The following SERPINA1 variants were observed in gnomAD, a reference collection of about 807,000 sequenced individuals.
SERPINA1 encodes serpin family A member 1.
Under a neutral mutation model 25.4 loss-of-function variants are expected in SERPINA1, and 21 were observed. The ratio of observed to expected loss-of-function variants is 0.83; its 90% confidence interval spans 0.59 to 1.19. The LOEUF is 1.19. SERPINA1 is among the 50% of genes most tolerant of loss of function. The pLI, the probability that SERPINA1 is intolerant of heterozygous loss-of-function variation, is 0.00. For synonymous variants in SERPINA1, 218 were observed against 211.1 expected (o/e 1.03, Z -0.29); for missense variants, 546 against 509.0 (o/e 1.07, Z -0.70).
Position 94,381,149 on chromosome 14 carries a change from G to T in SERPINA1, c.647-8C>A. ...AGGGTCTCTCCCATTTGCCTGGAGA[G>T]AGGGGAAGGTGGGCATCACCAGGGG... is the stretch of plus-strand genomic sequence containing the variant. On this transcript the variant is annotated splice_region_variant and splice_polypyrimidine_tract_variant and intron_variant, in intron 2 of 4. Coordinates refer to ENST00000393087, the MANE Select transcript of SERPINA1 (RefSeq NM_000295.5). The T allele has an allele frequency of 6.2e-7, 1 of 1,610,612 alleles. No homozygotes were observed. Among genetic ancestry groups the T allele is most frequent in the South Asian group, 1.1e-5 (1 of 90,952 alleles).
intron 4 of SERPINA1, among the ~76,000 whole-genome samples, chr14:94,378,854 C>T (rs1444407239): frequency 2.6e-5 from 4 of 152,378 alleles, no homozygotes; most frequent in Middle Eastern, 6.8e-3. Flanking sequence ...GCGCCTCTCC[C>T]CCTGCTCAGG....
chr14:94,377,632 G>A lies in SERPINA1; in HGVS notation c.*817C>T, dbSNP rs1273675640. 2 of 152,362 alleles carry A rather than the reference G, an allele frequency of 1.3e-5. No homozygotes were observed. Among genetic ancestry groups the A allele is most frequent in the Non-Finnish European group, 2.9e-5 (2 of 68,160 alleles). The allele number at this position is 152,362 out of a possible 1,614,324, so 9.4% of individuals were successfully genotyped here. On this transcript the variant is annotated 3_prime_UTR_variant, in exon 5 of 5. Transcript: ENST00000393087. ...GGATATAGGGTAATGGTCTTCTGGGGCCTGCTGGGCCTGGTCAAGTCTGAG... is the reference window on the plus strand; with the variant it reads ...GGATATAGGGTAATGGTCTTCTGGGACCTGCTGGGCCTGGTCAAGTCTGAG...
At chr14:94,390,058 A>G (rs1288294430), upstream of SERPINA1, 1 of 151,858 alleles carries the variant, frequency 6.6e-6, no homozygotes, top group East Asian at 1.9e-4. Flanking sequence ...GGCTGGTGTC[A>G]CTGGGGTGGG....
rs773588978 is a variant in SERPINA1 at position 94,383,215 on chromosome 14, C to T, written c.23G>A (p.Gly8Asp). 8.7e-6 allele frequency: 14 copies of T among 1,613,512 alleles called. No homozygotes were observed. The highest frequency in any genetic ancestry group is 1.1e-5 in the Non-Finnish European group (13 of 1,179,964). The change falls in exon 2 of 5, where the codon GGC (glycine) becomes GAC (aspartate). Residue 8 changes from glycine to aspartate, a missense_variant. Transcript: ENST00000393087. ...GCACAGGCCTGCCAGCAGGAGGATG[C>T]CCCACGAGACAGAAGACGGCATTGT... MPSSVSW[G>D]ILLLAGLCCL...
intron 1 of SERPINA1, chr14:94,383,999 A>C (rs1292943747): frequency 6.6e-6 from 1 of 152,206 alleles, no homozygotes. Flanking sequence ...GGTCCCAGAC[A>C]CAAGAATAGG....
chr14:94,380,020 C>A (rs1039571722), intron 3 of SERPINA1, among the ~76,000 whole-genome samples: 1 of 152,272 alleles, frequency 6.6e-6, no homozygotes, highest in Admixed American at 6.5e-5. Context: ...AGGCTGAGTG[C>A]TCCTCTCTGG....
At chr14:94,380,716 C>T in intron 3 of SERPINA1, 155 bp downstream of exon 3, 1 of 937,212 alleles carries the variant, frequency 1.1e-6, no homozygotes, top group Non-Finnish European at 1.7e-6. Context: ...TCAGTGGTGG[C>T]CTCATTCTGG....
chr14:94,384,179 C>T (rs931526688), intron 1 of SERPINA1: 1 of 152,210 alleles, frequency 6.6e-6, no homozygotes, highest in Non-Finnish European at 1.5e-5. Flanking sequence ...CCTCTTTTAA[C>T]TTCAGATAGA....
At chr14:94,385,669 A>G (rs1174159587) in intron 1 of SERPINA1, among the ~76,000 whole-genome samples, 3 of 152,178 alleles carry the variant, frequency 2.0e-5, no homozygotes, top group Non-Finnish European at 4.4e-5. Flanking sequence ...ATGTAGCAAA[A>G]CAGATGGAGA....
chr14:94,386,469 C>T (rs1262336169), intron 1 of SERPINA1, among the ~76,000 whole-genome samples: 1 of 152,196 alleles, frequency 6.6e-6, no homozygotes, highest in Non-Finnish European at 1.5e-5. Context: ...TGTGACCAGG[C>T]CCTGTCACTT....
chr14:94,378,222 C>T lies in SERPINA1; in HGVS notation c.*227G>A. The T allele has an allele frequency of 1.7e-6, 1 of 596,178 alleles. No homozygotes were observed. Among genetic ancestry groups the T allele is most frequent in the Non-Finnish European group, 3.0e-6 (1 of 335,886 alleles). The allele number at this position is 596,178 out of a possible 1,614,324, so 36.9% of individuals were successfully genotyped here. A position where few individuals can be genotyped will look rare whatever the true frequency, so the allele number is the denominator to read the frequency against. The stretch of plus-strand genomic sequence containing the variant: ...ATTCAGTCCCCCCTGGATTCAAGCC[C>T]AGCATGTGCCTACCCAGCCAGATGC... On this transcript the variant is annotated 3_prime_UTR_variant, in exon 5 of 5. Coordinates refer to ENST00000393087, the MANE Select transcript of SERPINA1 (RefSeq NM_000295.5).
rs34112109 is a variant in SERPINA1 at position 94,381,014 on chromosome 14, C to T, written c.774G>A (p.Lys258=). ...TCATCAGCAGCACCCAGCTGGACAG[C>T]TTCTTACAGTGCTGGATGTTAAACA... is the stretch of plus-strand genomic sequence containing the variant. The part of the protein sequence containing the change: ...LGMFNIQHCK[K]LSSWVLLMKY... The change falls in exon 3 of 5, where the codon AAG becomes AAA. Residue 258 remains lysine (K), a synonymous_variant. Coordinates refer to ENST00000393087, the MANE Select transcript of SERPINA1 (RefSeq NM_000295.5). 2.6e-3 allele frequency: 4,226 copies of T among 1,614,130 alleles called. 115 individuals are homozygous for T. The African/African-American group carries it at 0.05, about 19-fold the overall frequency.
At chr14:94,389,409 C>T (rs2749522), upstream of SERPINA1, 2 of 152,346 alleles carry the variant, frequency 1.3e-5, no homozygotes, top group African/African-American at 2.4e-5. Flanking sequence ...GTCTGCCCCC[C>T]AGGCTGCTCA....
At position 94,388,340 on chromosome 14, in the gene SERPINA1, C is replaced by A. The variant is rs188365306; in HGVS notation, c.-5+220G>T. ...GAACCAGTGTATCCACCAGGAGGTA[C>A]CGAGGGGGGACCGGGCAGGACTGGG... is the stretch of plus-strand genomic sequence containing the variant. On this transcript the variant is annotated intron_variant, in intron 1 of 4. Coordinates refer to ENST00000393087, the MANE Select transcript of SERPINA1 (RefSeq NM_000295.5). Among the ~76,000 whole-genome samples the A allele has an allele frequency of 2.0e-4, 31 of 152,254 alleles. 1 individual carries two copies. Among genetic ancestry groups the A allele is most frequent in the Admixed American group, 1.8e-3 (28 of 15,302 alleles).
intron 2 of SERPINA1, 84 bp from the exon 3 acceptor site, chr14:94,381,225 TCCCTGAGAAG>T: frequency 7.2e-7 from 1 of 1,398,214 alleles, no homozygotes; most frequent in East Asian, 2.4e-5. Context: ...ATGAGTCCCC[TCCCTGAGAAG>T]CCCTGAGCCC....
chr14:94,378,192 T>A lies in SERPINA1; in HGVS notation c.*257A>T, dbSNP rs1896500496. ...AACAGATGGGCCCAGGTCCGTAAGCTGAGGATTCAGTCCCCCCTGGATTCA... is the reference window on the plus strand; with the variant it reads ...AACAGATGGGCCCAGGTCCGTAAGCAGAGGATTCAGTCCCCCCTGGATTCA... On this transcript the variant is annotated 3_prime_UTR_variant, in exon 5 of 5. Coordinates refer to ENST00000393087, the MANE Select transcript of SERPINA1 (RefSeq NM_000295.5). 1.8e-6 allele frequency: 1 copy of A among 568,576 alleles called. No individual in the cohort carries two copies. Among genetic ancestry groups the A allele is most frequent in the African/African-American group, 1.9e-5 (1 of 53,278 alleles). 35.2% of individuals were successfully genotyped at this position (568,576 alleles called of 1,614,324 possible).
intron 1 of SERPINA1, among the ~76,000 whole-genome samples, chr14:94,386,071 C>T (rs1275470657): frequency 6.6e-6 from 1 of 152,166 alleles, no homozygotes; most frequent in East Asian, 1.9e-4. Context: ...CCAAGCTGTT[C>T]CTTATAACAT....
chr14:94,383,663 T>C, intron 1 of SERPINA1: 1 of 196,500 alleles, frequency 5.1e-6, no homozygotes, highest in Non-Finnish European at 1.1e-5. Context: ...ATGCAAATGG[T>C]ACAGCCATTG....
chr14:94,383,161 T>A lies in SERPINA1; in HGVS notation c.77A>T (p.Asp26Val), dbSNP rs199422212. 6.2e-7 allele frequency: 1 copy of A among 1,614,108 alleles called. No homozygotes were observed. The highest frequency in any genetic ancestry group is 1.7e-5 in the Admixed American group (1 of 60,016). The change falls in exon 2 of 5, where the codon GAT (aspartate) becomes GTT (valine). Residue 26 changes from aspartate (D) to valine (V), a missense_variant. Coordinates refer to ENST00000393087, the MANE Select transcript of SERPINA1 (RefSeq NM_000295.5). ...CCLVPVSLAE[D>V]PQGDAAQKTD... The stretch of plus-strand genomic sequence containing the variant: ...CTTCTGGGCAGCATCTCCCTGGGGA[T>A]CCTCAGCCAGGGAGACAGGGACCAG...
Sources: gnomAD v4.1 joint callset for allele counts (sites outside exome capture counted in the v4.1 genomes callset) on GRCh38, gnomAD v4.1.1 for gene constraint, MANE v1.5 for transcripts, NCBI Gene and HGNC (gene_info 2026-07-23, HGNC 2026-07-21) for gene names.